Variants in SNTG2 observed in about 807,000 individuals in gnomAD.
The protein encoded by SNTG2 is syntrophin gamma 2.
A neutral mutation model predicts 70.9 loss-of-function variants in SNTG2; 74 were observed. The ratio of observed to expected loss-of-function variants is 1.04; its 90% CI spans 0.86 to 1.27. The LOEUF is 1.27. SNTG2 is among the 50% of genes most tolerant of loss of function. The pLI is 0.00. For missense variants in SNTG2, 717 were observed against 690.7 expected (o/e 1.04, Z -0.43); for synonymous variants, 278 against 273.8 (o/e 1.02, Z -0.15).
intron 1 of SNTG2, among the ~76,000 whole-genome samples, chr2:979,524 TC>T (rs1239065056): frequency 6.6e-6 from 1 of 151,852 alleles, no homozygotes. Flanking sequence ...ACCACACAGC[TC>T]CTCTCGGTGA....
intron 8 of SNTG2, among the ~76,000 whole-genome samples, chr2:1,173,550 G>T (rs1414915762): frequency 1.3e-5 from 2 of 152,252 alleles, no homozygotes; most frequent in Admixed American, 1.3e-4. Context: ...AACACCTAAG[G>T]AGGTATGAAC....
At position 1,060,401 on chromosome 2, in the gene SNTG2, T is replaced by C. The variant is rs140423924; in HGVS notation, c.73-23117T>C. 1.4e-4 allele frequency among the ~76,000 whole-genome samples: 21 copies of C among 152,256 alleles called. No individual in the cohort carries two copies. In the East Asian group the frequency reaches 4.1e-3, roughly 29 times the overall value. ...GTTTGGAGAGAGAGAAGTGCATAGA[T>C]ACAGAGATAGAAGTGTCCTACCGTG... is the stretch of plus-strand genomic sequence containing the variant. On this transcript the variant is annotated intron_variant, in intron 1 of 16. Transcript: ENST00000308624.
At chr2:986,025 C>CT (rs1231805599) in intron 1 of SNTG2, among the ~76,000 whole-genome samples, 2 of 144,320 alleles carry the variant, frequency 1.4e-5, no homozygotes, top group Non-Finnish European at 3.0e-5. Flanking sequence ...TTATTTATTT[C>CT]TTTTTACTAT....
At chr2:1,184,739 A>G (rs1672142825) in intron 8 of SNTG2, among the ~76,000 whole-genome samples, 1 of 152,194 alleles carries the variant, frequency 6.6e-6, no homozygotes, top group South Asian at 2.1e-4. Context: ...ACCTCCCATC[A>G]GGCCCTTCTT....
At chr2:1,225,680 C>T (rs1202648707) in intron 9 of SNTG2, among the ~76,000 whole-genome samples, 2 of 152,234 alleles carry the variant, frequency 1.3e-5, no homozygotes, top group African/African-American at 4.8e-5. Context: ...GACAAAGCTC[C>T]ACTCACGTCT....
intron 1 of SNTG2, among the ~76,000 whole-genome samples, chr2:1,002,950 C>T (rs1244692479): frequency 2.0e-5 from 3 of 151,754 alleles, no homozygotes; most frequent in Non-Finnish European, 4.4e-5. Flanking sequence ...TTTTCAGCAA[C>T]ATGGATGGAA....
intron 14 of SNTG2, among the ~76,000 whole-genome samples, chr2:1,299,282 A>C (rs1680350717): frequency 6.6e-6 from 1 of 152,196 alleles, no homozygotes; most frequent in African/African-American, 2.4e-5. Context: ...GAATGTCCGC[A>C]AACCAAGTGG....
At chr2:1,259,578 AC>A in intron 13 of SNTG2, 137 bp downstream of exon 13, 1 of 722,106 alleles carries the variant, frequency 1.4e-6, no homozygotes. Flanking sequence ...GACGATCTGG[AC>A]CCATTCTCCT....
intron 9 of SNTG2, among the ~76,000 whole-genome samples, chr2:1,229,597 C>G (rs376486750): frequency 1.3e-4 from 20 of 152,206 alleles, no homozygotes; most frequent in African/African-American, 3.4e-4. Context: ...GCCGTGCGCT[C>G]GCATTCCTCA....
At chr2:1,161,201 T>A (rs1048233436) in intron 6 of SNTG2, 1 of 152,110 alleles carries the variant, frequency 6.6e-6, no homozygotes, top group Non-Finnish European at 1.5e-5. Flanking sequence ...GAGGATCACT[T>A]GAGTCCAGAA....
intron 9 of SNTG2, among the ~76,000 whole-genome samples, chr2:1,228,222 T>C (rs1675929117): frequency 1.3e-5 from 2 of 152,258 alleles, no homozygotes; most frequent in African/African-American, 4.8e-5. Context: ...GGTCATGGAC[T>C]GTGAATTACC....
At chr2:1,072,962 A>G (rs1156595445) in intron 1 of SNTG2, among the ~76,000 whole-genome samples, 2 of 152,230 alleles carry the variant, frequency 1.3e-5, no homozygotes, top group Admixed American at 6.5e-5. Flanking sequence ...CTAGAATTAG[A>G]CGCAGAGCCT....
intron 6 of SNTG2, among the ~76,000 whole-genome samples, chr2:1,162,064 T>TC (rs1225884309): frequency 1.4e-5 from 1 of 73,046 alleles, no homozygotes; most frequent in Non-Finnish European, 2.3e-5. Flanking sequence ...ACAGTGAGAC[T>TC]CCGTCTCAAA....
intron 16 of SNTG2, among the ~76,000 whole-genome samples, chr2:1,352,789 A>C (rs974387988): frequency 1.3e-5 from 2 of 152,268 alleles, no homozygotes; most frequent in Admixed American, 1.3e-4. Context: ...CTGTTTTCTC[A>C]TTTGAAAAAT....
At chr2:961,312 T>A (rs1660341953) in intron 1 of SNTG2, among the ~76,000 whole-genome samples, 1 of 152,100 alleles carries the variant, frequency 6.6e-6, no homozygotes, top group African/African-American at 2.4e-5. Flanking sequence ...ATTCAAGCGA[T>A]TTCTGGCTTT....
At chr2:1,255,648 CACACTCAGGCATGGCACAA>C (rs1413806090) in intron 12 of SNTG2, among the ~76,000 whole-genome samples, 1 of 151,696 alleles carries the variant, frequency 6.6e-6, no homozygotes, top group East Asian at 1.9e-4. Flanking sequence ...GACGCCTGGC[CACACTCAGGCATGGCACAA>C]ACACACTAGG....
chr2:1,060,414 G>C (rs150403346), intron 1 of SNTG2, among the ~76,000 whole-genome samples: 2 of 152,154 alleles, frequency 1.3e-5, no homozygotes, highest in African/African-American at 2.4e-5. Context: ...AGAGATAGAA[G>C]TGTCCTACCG....
At chr2:1,284,823 A>T (rs1315721628) in intron 14 of SNTG2, among the ~76,000 whole-genome samples, 1 of 152,152 alleles carries the variant, frequency 6.6e-6, no homozygotes, top group Non-Finnish European at 1.5e-5. Context: ...AATGACAAAC[A>T]TTTATTGCAC....
intron 4 of SNTG2, among the ~76,000 whole-genome samples, chr2:1,116,573 C>T (rs1666987736): frequency 6.8e-6 from 1 of 146,246 alleles, no homozygotes; most frequent in Admixed American, 6.8e-5. Context: ...TATGTGGGTG[C>T]CCTGGTGTAC....
Sources: gnomAD v4.1 joint callset for allele counts (sites outside exome capture counted in the v4.1 genomes callset) on GRCh38, gnomAD v4.1.1 for gene constraint, MANE v1.5 for transcripts, NCBI Gene and HGNC (gene_info 2026-07-23, HGNC 2026-07-21) for gene names.